RANBP17: variants seen among roughly 807,000 people sequenced by gnomAD.
RANBP17 encodes ran-binding protein 17.
RANBP17 carries 158 observed loss-of-function variants against 141.2 expected under a neutral mutation model. The ratio of observed to expected loss-of-function variants is 1.12; its 90% CI spans 0.98 to 1.28. The LOEUF (loss-of-function observed/expected upper bound fraction) is 1.28. Ranked by LOEUF, RANBP17 falls within the 50% of genes most tolerant of loss-of-function variation. The pLI is 0.00. For synonymous variants in RANBP17, 430 were observed against 450.0 expected, an observed-to-expected ratio of 0.96 and a Z score of 0.56; for missense variants, 1,438 against 1,290.7, an observed-to-expected ratio of 1.11 and a Z score of -1.75.
At chr5:171,004,573 T>C (rs1010183084) in intron 14 of RANBP17, among the ~76,000 whole-genome samples, 1 of 152,086 alleles carries the variant, frequency 6.6e-6, no homozygotes, top group Non-Finnish European at 1.5e-5. Context: ...ACGGACTTAC[T>C]CTTCTCTGTA....
chr5:171,228,136 G>T (rs1488267809), intron 22 of RANBP17, among the ~76,000 whole-genome samples: 2 of 152,230 alleles, frequency 1.3e-5, no homozygotes, highest in African/African-American at 4.8e-5. Context: ...GGCTGTAGCT[G>T]CCATAGATAG....
chr5:171,031,379 T>C (rs925350653), intron 14 of RANBP17, among the ~76,000 whole-genome samples: 2 of 151,966 alleles, frequency 1.3e-5, no homozygotes, highest in Non-Finnish European at 2.9e-5. Context: ...GACTATTCTA[T>C]GTGTTGTTGG....
intron 18 of RANBP17, among the ~76,000 whole-genome samples, chr5:171,185,075 A>C (rs571403823): frequency 6.6e-6 from 1 of 152,310 alleles, no homozygotes; most frequent in South Asian, 2.1e-4. Context: ...AGGCAGGAGA[A>C]TTGCTTGAAC....
intron 25 of RANBP17, among the ~76,000 whole-genome samples, chr5:171,274,797 G>A (rs1033366632): frequency 2.0e-5 from 3 of 152,140 alleles, no homozygotes; most frequent in Non-Finnish European, 4.4e-5. Flanking sequence ...ACCTAGTGTA[G>A]TCATAGACTG....
chr5:170,893,792 C>CA (rs774620605), intron 4 of RANBP17, among the ~76,000 whole-genome samples: 5,218 of 103,146 alleles, frequency 0.051, 119 homozygotes, highest in Non-Finnish European at 0.071. Flanking sequence ...GACTCCGTCT[C>CA]AAAAAAAAAA....
intron 14 of RANBP17, among the ~76,000 whole-genome samples, chr5:171,065,708 C>T (rs931076393): frequency 1.3e-5 from 2 of 151,564 alleles, no homozygotes; most frequent in African/African-American, 4.8e-5. Flanking sequence ...TATTTTATTC[C>T]ATTGATTTGA....
At chr5:170,937,887 A>T (rs1390973235) in intron 12 of RANBP17, among the ~76,000 whole-genome samples, 1 of 152,202 alleles carries the variant, frequency 6.6e-6, no homozygotes, top group Non-Finnish European at 1.5e-5. Context: ...GGTTCTTCAA[A>T]AGTAAAGAGT....
intron 14 of RANBP17, among the ~76,000 whole-genome samples, chr5:171,156,261 G>A (rs1363537839): frequency 6.6e-6 from 1 of 151,968 alleles, no homozygotes; most frequent in East Asian, 1.9e-4. Flanking sequence ...TTTATTTTAA[G>A]TAACTGCTAA....
intron 14 of RANBP17, among the ~76,000 whole-genome samples, chr5:171,042,859 G>A (rs1038335979): frequency 6.6e-6 from 1 of 152,050 alleles, no homozygotes; most frequent in Non-Finnish European, 1.5e-5. Flanking sequence ...TGTACAGAGG[G>A]AGTATATATT....
chr5:170,903,940 C>A, intron 5 of RANBP17: 1 of 523,672 alleles, frequency 1.9e-6, no homozygotes, highest in South Asian at 1.5e-5. Context: ...TATCTTGTAT[C>A]AAGCCTAACA....
Position 171,183,178 on chromosome 5 carries a change from T to C in RANBP17, c.1877T>C (p.Leu626Ser). The C allele has an allele frequency of 6.5e-7, 1 of 1,547,838 alleles. No homozygotes were observed. Among genetic ancestry groups the C allele is most frequent in the Non-Finnish European group, 8.9e-7 (1 of 1,120,008 alleles). The change falls in exon 17 of 28, where the codon TTA (leucine) becomes TCA (serine). Residue 626 changes from leucine (L) to serine (S), a missense_variant. Coordinates refer to ENST00000523189, the MANE Select transcript of RANBP17 (RefSeq NM_022897.5). ...LNDLSVGYIL[L>S]KKLVKIDAVK... ...TTAACTTCTATTACTTATATCCTTT[T>C]AAAAAAACTTGTGAAGATAGATGCT...
intron 13 of RANBP17, among the ~76,000 whole-genome samples, chr5:170,967,066 C>T (rs540233019): frequency 2.0e-5 from 3 of 152,264 alleles, no homozygotes; most frequent in African/African-American, 4.8e-5. Context: ...AATGGAAGAA[C>T]ATTCCATGCT....
At chr5:171,268,216 T>C (rs1163308954) in intron 25 of RANBP17, among the ~76,000 whole-genome samples, 1 of 152,232 alleles carries the variant, frequency 6.6e-6, no homozygotes, top group Non-Finnish European at 1.5e-5. Flanking sequence ...TCACCAGTTA[T>C]TTGATCATTT....
chr5:171,164,928 TTTTG>T (rs1348094208), intron 14 of RANBP17, among the ~76,000 whole-genome samples: 4 of 152,166 alleles, frequency 2.6e-5, no homozygotes, highest in Non-Finnish European at 4.4e-5. Flanking sequence ...GATTATAAGA[TTTTG>T]TTTATTTGTT....
chr5:171,012,851 G>A (rs1290785127), intron 14 of RANBP17, among the ~76,000 whole-genome samples: 2 of 152,084 alleles, frequency 1.3e-5, no homozygotes, highest in Non-Finnish European at 2.9e-5. Flanking sequence ...GTATATGGTT[G>A]CTTGCAGATA....
intron 14 of RANBP17, among the ~76,000 whole-genome samples, chr5:171,144,027 T>G (rs1356118653): frequency 6.6e-6 from 1 of 152,020 alleles, no homozygotes; most frequent in Non-Finnish European, 1.5e-5. Context: ...ACAGGAAAGA[T>G]CCTCCACAGC....
At chr5:170,876,673 G>A (rs1768207503) in intron 1 of RANBP17, among the ~76,000 whole-genome samples, 1 of 152,034 alleles carries the variant, frequency 6.6e-6, no homozygotes, top group Admixed American at 6.6e-5. Flanking sequence ...TGCTATAAAA[G>A]CGCTAAGAAG....
chr5:171,084,064 A>C (rs1581590323), intron 14 of RANBP17, among the ~76,000 whole-genome samples: 2 of 142,508 alleles, frequency 1.4e-5, no homozygotes, highest in African/African-American at 5.2e-5. Context: ...GCACCCACTA[A>C]CTCGTCATCT....
intron 18 of RANBP17, among the ~76,000 whole-genome samples, chr5:171,187,224 A>G (rs1404375730): frequency 6.6e-6 from 1 of 152,226 alleles, no homozygotes; most frequent in Non-Finnish European, 1.5e-5. Context: ...TAAGTTGGCT[A>G]CCCTGTAAGG....
Sources: allele counts gnomAD v4.1 joint callset (sites outside exome capture counted in the v4.1 genomes callset), GRCh38; gene constraint gnomAD v4.1.1; transcripts MANE v1.5; gene names NCBI Gene and HGNC (gene_info 2026-07-23, HGNC 2026-07-21).